DNAH7: variants seen among roughly 807,000 people sequenced by gnomAD.
The protein encoded by DNAH7 is dynein axonemal heavy chain 7.
A neutral mutation model predicts 444.6 loss-of-function variants in DNAH7; 397 were observed. That is an observed-to-expected ratio of 0.89 (90% CI 0.82 to 0.97). DNAH7 has a LOEUF of 0.97. Ranked by LOEUF, DNAH7 falls within the 50% of genes least tolerant of loss-of-function variation. The pLI, the probability that DNAH7 is intolerant of heterozygous loss-of-function variation, is 0.00. For missense variants in DNAH7, 4,902 were observed against 4,800.8 expected (o/e 1.02, Z -0.62); for synonymous variants, 1,636 against 1,624.4 (o/e 1.01, Z -0.17).
At chr2:196,011,713 A>C (rs1385395967) in intron 10 of DNAH7, among the ~76,000 whole-genome samples, 1 of 152,306 alleles carries the variant, frequency 6.6e-6, no homozygotes, top group Middle Eastern at 3.4e-3. Context: ...CCTGAGAATC[A>C]ATCAGGAAGC....
intron 15 of DNAH7, among the ~76,000 whole-genome samples, 182 bp downstream of exon 15, chr2:195,984,450 C>T (rs773259470): frequency 3.3e-5 from 5 of 152,094 alleles, no homozygotes; most frequent in Non-Finnish European, 5.9e-5. Flanking sequence ...CGGGTTCAAC[C>T]GATTCTCCTG....
intron 5 of DNAH7, among the ~76,000 whole-genome samples, chr2:196,028,819 G>T (rs1297065258): frequency 6.6e-6 from 1 of 152,200 alleles, no homozygotes; most frequent in African/African-American, 2.4e-5. Context: ...CCCACTAACT[G>T]CCCAGTGAGG....
intron 63 of DNAH7, among the ~76,000 whole-genome samples, chr2:195,747,076 C>G (rs199558887): frequency 1.2e-3 from 184 of 151,934 alleles, no homozygotes; most frequent in Non-Finnish European, 2.2e-3. Flanking sequence ...TTTTTGAAAG[C>G]ATCAACAAAA....
intron 17 of DNAH7, among the ~76,000 whole-genome samples, chr2:195,961,177 T>C (rs115085527): frequency 0.018 from 2,722 of 152,230 alleles, 75 homozygotes; most frequent in African/African-American, 0.061. Flanking sequence ...TGAGAAAATG[T>C]ATAATTATGG....
At chr2:196,039,198 T>C (rs1575079398) in intron 5 of DNAH7, among the ~76,000 whole-genome samples, 1 of 151,940 alleles carries the variant, frequency 6.6e-6, no homozygotes, top group African/African-American at 2.4e-5. Flanking sequence ...TAGAAACCAA[T>C]AGCAAGAGCA....
At position 195,876,572 on chromosome 2, in the gene DNAH7, A is replaced by G. The variant is rs199571971; in HGVS notation, c.6089T>C (p.Val2030Ala). ...TCTCTTGCCCAAAGGAGGACCAAAA[A>G]CTCCCTTTCTTCTCTTGTCCAATTT... The part of the protein sequence containing the change: ...MSKLDKRRKG[V>A]FGPPLGKRMV... Residue 2030 changes from valine to alanine, a missense_variant, in exon 37 of 65, where the codon GTT (valine) becomes GCT (alanine). By Grantham distance (64) the Val-to-Ala change is moderately conservative. Transcript: ENST00000312428. The G allele has an allele frequency of 1.2e-6, 2 of 1,613,596 alleles. No individual in the cohort carries two copies. The highest frequency in any genetic ancestry group is 2.2e-5 in the East Asian group (1 of 44,866).
intron 60 of DNAH7, among the ~76,000 whole-genome samples, chr2:195,775,426 T>C (rs919523560): frequency 3.9e-5 from 6 of 152,204 alleles, no homozygotes; most frequent in African/African-American, 1.4e-4. Context: ...GGAACAGCTG[T>C]TGAAATACTA....
In DNAH7 at chr2:195,872,438, T is replaced by G; in HGVS notation, c.6445A>C (p.Thr2149Pro). 6.2e-7 allele frequency: 1 copy of G among 1,600,084 alleles called. No homozygotes were observed. Among genetic ancestry groups the G allele is most frequent in the African/African-American group, 1.3e-5 (1 of 74,876 alleles). ...YKFPDEFLDL[T>P]TQIVNGTMTL... ...ATTGTGCCATTTACGATTTGTGTGGTCAAATCTAGAAATTCATCTGGAAAT... is the reference window on the plus strand; with the variant it reads ...ATTGTGCCATTTACGATTTGTGTGGGCAAATCTAGAAATTCATCTGGAAAT... The change falls in exon 40 of 65, where the codon ACC becomes CCC. Residue 2149 changes from threonine to proline, a missense_variant. Coordinates refer to ENST00000312428, the MANE Select transcript of DNAH7 (RefSeq NM_018897.3).
At chr2:195,798,306 G>A (rs1262278113) in intron 55 of DNAH7, among the ~76,000 whole-genome samples, 1 of 152,100 alleles carries the variant, frequency 6.6e-6, no homozygotes, top group East Asian at 1.9e-4. Flanking sequence ...GTCTAGCAAA[G>A]TCAACAGTAT....
rs762732822 is a variant in DNAH7 at position 196,039,416 on chromosome 2, A to G, written c.398+7936T>C. On this transcript the variant is annotated intron_variant, in intron 5 of 64. Transcript: ENST00000312428. The stretch of plus-strand genomic sequence containing the variant: ...AAAATAGATTTCAAATAAACAACAT[A>G]AAAACATACCTTAAGGAAATAGAAA... Among the ~76,000 whole-genome samples the G allele has an allele frequency of 1.1e-4, 17 of 152,296 alleles. No homozygotes were observed. The East Asian group carries it at 1.2e-3, about 10-fold the overall frequency.
chr2:195,902,152 T>A (rs1686749767), intron 27 of DNAH7: 1 of 152,150 alleles, frequency 6.6e-6, no homozygotes, highest in Admixed American at 6.6e-5. Flanking sequence ...AATAAGAACA[T>A]CTTGTTTAAA....
intron 34 of DNAH7, among the ~76,000 whole-genome samples, chr2:195,885,422 T>C (rs1203220316): frequency 6.6e-6 from 1 of 152,176 alleles, no homozygotes; most frequent in Non-Finnish European, 1.5e-5. Context: ...AGCCAAGAGA[T>C]TCTGGACTAT....
At chr2:195,882,099 A>G in intron 35 of DNAH7, 107 bp from the exon 36 acceptor site, 4 of 850,970 alleles carry the variant, frequency 4.7e-6, no homozygotes, top group South Asian at 3.6e-5. Context: ...CCTGATATGT[A>G]TACATTTGTT....
chr2:195,793,846 C>A, intron 57 of DNAH7, among the ~76,000 whole-genome samples: 1 of 152,140 alleles, frequency 6.6e-6, no homozygotes, highest in East Asian at 1.9e-4. Context: ...CAATTCTAAT[C>A]ATGAAAGCAG....
intron 12 of DNAH7, chr2:195,999,224 C>T (rs746839087): frequency 1.4e-6 from 1 of 717,096 alleles, no homozygotes; most frequent in South Asian, 1.5e-5. Context: ...TAAAAATGTC[C>T]TGGTTTTGCT....
intron 27 of DNAH7, chr2:195,903,657 T>C (rs1559206045): frequency 6.6e-6 from 1 of 152,200 alleles, no homozygotes; most frequent in African/African-American, 2.4e-5. Flanking sequence ...CTGTATGATA[T>C]GATACATCAG....
chr2:195,865,418 T>C lies in DNAH7; in HGVS notation c.6634-397A>G, dbSNP rs138529838. Among the ~76,000 whole-genome samples the C allele has an allele frequency of 2.0e-5, 3 of 152,342 alleles. No individual in the cohort carries two copies. The East Asian group carries it at 5.8e-4, about 29-fold the overall frequency. Reference sequence around the variant, plus strand: ...CCAGTGATGTTTCCTTTTTCTAAGATAGATAACATTTTGAAAGTTATTGAC... The same window carrying C: ...CCAGTGATGTTTCCTTTTTCTAAGACAGATAACATTTTGAAAGTTATTGAC... On this transcript the variant is annotated intron_variant, in intron 40 of 64. Coordinates refer to ENST00000312428, the MANE Select transcript of DNAH7 (RefSeq NM_018897.3).
intron 63 of DNAH7, among the ~76,000 whole-genome samples, chr2:195,753,990 T>C (rs1693940692): frequency 6.6e-6 from 1 of 152,228 alleles, no homozygotes; most frequent in Non-Finnish European, 1.5e-5. Context: ...GATTATCCTA[T>C]ATGCTGTTAA....
At chr2:195,754,313 G>T (rs376496745) in intron 63 of DNAH7, 24 bp downstream of exon 63, 2 of 1,602,886 alleles carry the variant, frequency 1.2e-6, no homozygotes, top group South Asian at 1.1e-5. Context: ...GATATGAGCC[G>T]ACTCATTCTG....
Sources: allele counts gnomAD v4.1 joint callset (sites outside exome capture counted in the v4.1 genomes callset), GRCh38; gene constraint gnomAD v4.1.1; transcripts MANE v1.5; gene names NCBI Gene and HGNC (gene_info 2026-07-23, HGNC 2026-07-21).